Variants in SHROOM3 observed in about 807,000 individuals in gnomAD.
SHROOM3 encodes protein Shroom3.
A neutral mutation model predicts 138.6 loss-of-function variants in SHROOM3; 47 were observed. That is an observed-to-expected ratio of 0.34 (90% confidence interval 0.27 to 0.43). The LOEUF (loss-of-function observed/expected upper bound fraction) is 0.43. Ranked by LOEUF, SHROOM3 falls within the 20% of genes least tolerant of loss-of-function variation. SHROOM3 has a pLI of 1.00. For synonymous variants in SHROOM3, 1,062 were observed against 1,063.3 expected (o/e 1.00, Z 0.02); for missense variants, 2,491 against 2,596.5 (o/e 0.96, Z 0.88).
At position 76,664,118 on chromosome 4, in the gene SHROOM3, A is replaced by G. The variant is rs1718621743; in HGVS notation, c.324-46038A>G. On this transcript the variant is annotated intron_variant, in intron 2 of 10. Transcript: ENST00000296043. The surrounding 1 kb of genome is among the most constrained non-coding windows in gnomAD (Gnocchi z 4.2). ...CTGTAAGTCTGGCGTCATTGAAAGAATACTTTCTCTGTAGGCCCATAGTCA... is the reference window on the plus strand; with the variant it reads ...CTGTAAGTCTGGCGTCATTGAAAGAGTACTTTCTCTGTAGGCCCATAGTCA... Among the ~76,000 whole-genome samples, 2 of 152,328 alleles carry G rather than the reference A, an allele frequency of 1.3e-5. No individual in the cohort carries two copies. The highest frequency in any genetic ancestry group is 1.3e-4 in the Admixed American group (2 of 15,298).
Position 76,754,726 on chromosome 4 carries a change from G to C in SHROOM3, c.4243G>C (p.Gly1415Arg). The C allele has an allele frequency of 6.2e-7, 1 of 1,614,190 alleles. No homozygotes were observed. The highest frequency in any genetic ancestry group is 8.5e-7 in the Non-Finnish European group (1 of 1,180,032). ...GDGPEHGVEEGTRKRVSLPQW... is the reference protein window; with the variant it reads ...GDGPEHGVEERTRKRVSLPQW... ...TGGCCCAGAGCATGGGGTAGAAGAGGGAACGAGGAAGAGGGTCTCGCTGCC... is the reference window on the plus strand; with the variant it reads ...TGGCCCAGAGCATGGGGTAGAAGAGCGAACGAGGAAGAGGGTCTCGCTGCC... The change falls in exon 7 of 11, where the codon GGA becomes CGA. Residue 1415 changes from glycine to arginine, a missense_variant. Physicochemically the swap from Gly to Arg is moderately radical, Grantham distance 125. Around this residue, in one of 4 missense-constraint regions of SHROOM3, gnomAD observed 1,733 missense variants for 1,661.6 expected, o/e 1.04. Transcript: ENST00000296043.
rs145270244 is a variant in SHROOM3, at chr4:76,712,795, C to T, written c.455+2508C>T. Among the ~76,000 whole-genome samples, 30 of 152,206 alleles carry T rather than the reference C, an allele frequency of 2.0e-4. No homozygotes were observed. The East Asian group carries it at 5.6e-3, about 28-fold the overall frequency. On this transcript the variant is annotated intron_variant, in intron 3 of 10. Coordinates refer to ENST00000296043, the MANE Select transcript of SHROOM3 (RefSeq NM_020859.4). The stretch of plus-strand genomic sequence containing the variant: ...ACATTCTGAGCAATGTGTCATTAAG[C>T]GATTTTATTGTTGCTGAACATACTA...
intron 1 of SHROOM3, among the ~76,000 whole-genome samples, chr4:76,445,364 G>A (rs1730784112): frequency 1.3e-5 from 2 of 152,124 alleles, no homozygotes; most frequent in East Asian, 1.9e-4. Context: ...TAATTTCAGG[G>A]TGTGGTAAGT....
At chr4:76,769,216 G>A (rs1479643470) in intron 9 of SHROOM3, among the ~76,000 whole-genome samples, 5 of 150,888 alleles carry the variant, frequency 3.3e-5, no homozygotes, top group Non-Finnish European at 5.9e-5. Flanking sequence ...TTTGGGGTGT[G>A]CATGTGTGTG....
intron 3 of SHROOM3, among the ~76,000 whole-genome samples, chr4:76,721,211 T>C (rs1457429227): frequency 1.7e-4 from 26 of 149,924 alleles, no homozygotes; most frequent in Non-Finnish European, 1.5e-5. Flanking sequence ...CTTGGGAGGC[T>C]GAGGCAGGAG....
In SHROOM3 at chr4:76,475,021, G is replaced by A. The variant is rs983097279; in HGVS notation, c.168+38801G>A. Among the ~76,000 whole-genome samples, 9 of 151,976 alleles carry A rather than the reference G, an allele frequency of 5.9e-5. No individual in the cohort carries two copies. The South Asian group carries it at 8.3e-4, about 14-fold the overall frequency. ...TAGCATCATTTTGATTCATCTCTGCGTCTTTCCTAGCCTTTGTACTAGAGA... is the reference window on the plus strand; with the variant it reads ...TAGCATCATTTTGATTCATCTCTGCATCTTTCCTAGCCTTTGTACTAGAGA... On this transcript the variant is annotated intron_variant, in intron 1 of 10. Coordinates refer to ENST00000296043, the MANE Select transcript of SHROOM3 (RefSeq NM_020859.4).
intron 2 of SHROOM3, among the ~76,000 whole-genome samples, chr4:76,653,849 C>T (rs1736011690): frequency 6.6e-6 from 1 of 152,088 alleles, no homozygotes; most frequent in South Asian, 2.1e-4. Context: ...TATGGCTTAG[C>T]TGAGCCACCA....
In SHROOM3 at chr4:76,567,079, T is replaced by C. The variant is rs72868110; in HGVS notation, c.323+11316T>C. Among the ~76,000 whole-genome samples the C allele has an allele frequency of 6.9e-3, 1,057 of 152,322 alleles. 13 individuals are homozygous for C. Among genetic ancestry groups the C allele is most frequent in the African/African-American group, 0.024 (1,002 of 41,564 alleles). On this transcript the variant is annotated intron_variant, in intron 2 of 10. Transcript: ENST00000296043. ...ACGCAATTTTTCTACTCCCCTCTTA[T>C]TCTGCTGTCAAACTCTAGTCTGATG... is the stretch of plus-strand genomic sequence containing the variant.
At chr4:76,457,423 C>T (rs1164895466) in intron 1 of SHROOM3, among the ~76,000 whole-genome samples, 1 of 152,048 alleles carries the variant, frequency 6.6e-6, no homozygotes, top group Non-Finnish European at 1.5e-5. Context: ...GAGGCCTCTG[C>T]AGAAGTAAAA....
At chr4:76,511,655 T>G (rs1732338983) in intron 1 of SHROOM3, among the ~76,000 whole-genome samples, 1 of 152,198 alleles carries the variant, frequency 6.6e-6, no homozygotes, top group African/African-American at 2.4e-5. Flanking sequence ...GGGGAGGATT[T>G]GCAGTATGGG....
At chr4:76,698,950 T>C (rs566556902) in intron 2 of SHROOM3, among the ~76,000 whole-genome samples, 73 of 152,280 alleles carry the variant, frequency 4.8e-4, no homozygotes, top group African/African-American at 1.7e-3. Flanking sequence ...TTTGGGCAAT[T>C]TGTAGTTGCC....
chr4:76,629,345 G>A (rs1735243422), intron 2 of SHROOM3, among the ~76,000 whole-genome samples: 1 of 152,212 alleles, frequency 6.6e-6, no homozygotes, highest in Non-Finnish European at 1.5e-5. Flanking sequence ...AGGGAGGATA[G>A]TACCAGATCA....
chr4:76,575,136 T>G (rs913396187), intron 2 of SHROOM3, among the ~76,000 whole-genome samples: 1 of 152,156 alleles, frequency 6.6e-6, no homozygotes, highest in African/African-American at 2.4e-5. Context: ...AAGCATTTGA[T>G]CCTTTCATGA....
chr4:76,555,772 C>T lies in SHROOM3; in HGVS notation c.323+9C>T. ...AGGCTGGTAGTGCGCAGGTAGGTGG[C>T]AGACCCCCACCCTGTCCCTCCTACC... On this transcript the variant is annotated intron_variant, in intron 2 of 10. Transcript: ENST00000296043. 6.2e-7 allele frequency: 1 copy of T among 1,610,942 alleles called. No individual in the cohort carries two copies. Among genetic ancestry groups the T allele is most frequent in the Non-Finnish European group, 8.5e-7 (1 of 1,179,772 alleles).
At chr4:76,666,480 T>A (rs1718697726) in intron 2 of SHROOM3, among the ~76,000 whole-genome samples, 1 of 152,170 alleles carries the variant, frequency 6.6e-6, no homozygotes, top group Non-Finnish European at 1.5e-5. Flanking sequence ...CTCTGTTGCC[T>A]TAGCTAATCT....
intron 1 of SHROOM3, among the ~76,000 whole-genome samples, chr4:76,500,462 C>G (rs1324109397): frequency 6.6e-6 from 1 of 152,158 alleles, no homozygotes. Flanking sequence ...TTAACCCTGT[C>G]CCTGTCTCAG....
chr4:76,772,594 C>T (rs962168995), intron 10 of SHROOM3, among the ~76,000 whole-genome samples: 6 of 152,170 alleles, frequency 3.9e-5, no homozygotes, highest in Non-Finnish European at 7.3e-5. Context: ...GCATCTTCCT[C>T]GTGTAAATGT....
At chr4:76,490,224 A>G (rs1232199357) in intron 1 of SHROOM3, among the ~76,000 whole-genome samples, 2 of 152,168 alleles carry the variant, frequency 1.3e-5, no homozygotes, top group South Asian at 2.1e-4. Flanking sequence ...CTTCTATGAA[A>G]AGGAAGACTT....
chr4:76,449,485 C>G (rs1730880021), intron 1 of SHROOM3, among the ~76,000 whole-genome samples: 1 of 152,240 alleles, frequency 6.6e-6, no homozygotes, highest in Admixed American at 6.5e-5. Flanking sequence ...TTAACACTAA[C>G]ATGCGTTTCC....
Sources: allele counts gnomAD v4.1 joint callset (sites outside exome capture counted in the v4.1 genomes callset), GRCh38; gene constraint gnomAD v4.1.1; regional missense constraint gnomAD v4.1.1; non-coding constraint Gnocchi (gnomAD v3.1); transcripts MANE v1.5; gene names NCBI Gene and HGNC (gene_info 2026-07-23, HGNC 2026-07-21).